SOX6: variants seen among roughly 807,000 people sequenced by gnomAD.
SOX6 encodes the protein SRY-box transcription factor 6, also known as transcription factor SOX-6.
Under a neutral mutation model 97.8 loss-of-function variants are expected in SOX6, and 11 were observed. The observed-to-expected ratio is 0.11, with a 90% CI of 0.07 to 0.19. The LOEUF is 0.19. Ranked by LOEUF, SOX6 falls within the 10% of genes least tolerant of loss-of-function variation. The probability of loss-of-function intolerance (pLI) is 1.00; values close to 1 mark genes in which losing one functional copy is unlikely to be tolerated. For missense variants in SOX6, 810 were observed against 1,039.5 expected, an observed-to-expected ratio of 0.78 and a Z score of 3.04; for synonymous variants, 360 against 371.4, an observed-to-expected ratio of 0.97 and a Z score of 0.35.
chr11:16,438,428 G>A (rs935344061), intron 1 of SOX6, among the ~76,000 whole-genome samples: 6 of 152,094 alleles, frequency 3.9e-5, no homozygotes, highest in African/African-American at 1.4e-4. Flanking sequence ...ATCCAGAGAT[G>A]GAGGCATGTA....
chr11:16,091,092 T>G (rs1183169383), intron 9 of SOX6, among the ~76,000 whole-genome samples: 1 of 152,086 alleles, frequency 6.6e-6, no homozygotes. Flanking sequence ...ATTCCATAAA[T>G]GGAGTTAATT....
chr11:16,119,300 C>T (rs1849430994), intron 6 of SOX6, among the ~76,000 whole-genome samples: 1 of 152,150 alleles, frequency 6.6e-6, no homozygotes, highest in South Asian at 2.1e-4. Flanking sequence ...AAATATCTCA[C>T]TTGACAGGAT....
intron 3 of SOX6, among the ~76,000 whole-genome samples, chr11:16,624,665 T>C (rs1489009108): frequency 6.6e-6 from 1 of 152,244 alleles, no homozygotes. Context: ...TTTCTAGATT[T>C]TAATTAGATT....
chr11:16,453,853 C>A (rs952594596), intron 1 of SOX6, among the ~76,000 whole-genome samples: 8 of 152,118 alleles, frequency 5.3e-5, no homozygotes, highest in African/African-American at 1.9e-4. Flanking sequence ...CATCTGATAA[C>A]AAGCCACACA....
intron 9 of SOX6, among the ~76,000 whole-genome samples, chr11:16,072,356 G>A (rs1029856922): frequency 6.6e-6 from 1 of 152,012 alleles, no homozygotes; most frequent in Non-Finnish European, 1.5e-5. Flanking sequence ...AGAGCTTCAG[G>A]ACTGCTTCTC....
At chr11:16,572,951 C>T (rs1847951985) in intron 4 of SOX6, among the ~76,000 whole-genome samples, 1 of 152,160 alleles carries the variant, frequency 6.6e-6, no homozygotes, top group Non-Finnish European at 1.5e-5. Context: ...TTAAACCACT[C>T]TTATTCTGTC....
At chr11:16,046,041 G>T (rs968955705) in intron 12 of SOX6, among the ~76,000 whole-genome samples, 7 of 152,118 alleles carry the variant, frequency 4.6e-5, no homozygotes, top group African/African-American at 1.7e-4. Context: ...TAATTTGCTG[G>T]ATCAAAAACC....
intron 6 of SOX6, among the ~76,000 whole-genome samples, chr11:16,128,803 T>C (rs1019920177): frequency 3.3e-4 from 50 of 152,300 alleles, no homozygotes; most frequent in African/African-American, 1.2e-3. Context: ...TGACTAGATA[T>C]GCGAATTCCA....
At position 16,082,840 on chromosome 11, in the gene SOX6, C is replaced by T. The variant is rs959387080; in HGVS notation, c.1101+13156G>A. On this transcript the variant is annotated intron_variant, in intron 9 of 15. Transcript: ENST00000683767. ...CACATGCATTCCAAATTCCCTTGTG[C>T]AGTGTAAAAGGCACTCTGTGATCTG... Among the ~76,000 whole-genome samples, 5 of 152,246 alleles carry T rather than the reference C, an allele frequency of 3.3e-5. No individual in the cohort carries two copies. In the South Asian group the frequency reaches 1.0e-3, roughly 32 times the overall value.
intron 6 of SOX6, among the ~76,000 whole-genome samples, chr11:16,179,877 T>C (rs1851302866): frequency 6.6e-6 from 1 of 151,754 alleles, no homozygotes; most frequent in African/African-American, 2.4e-5. Context: ...AAAATTGGAG[T>C]CTGAAGAGAC....
intron 1 of SOX6, among the ~76,000 whole-genome samples, chr11:16,448,762 TG>T (rs1859660240): frequency 6.6e-6 from 1 of 152,206 alleles, no homozygotes; most frequent in Non-Finnish European, 1.5e-5. Context: ...GCAAGTACAG[TG>T]GCTTATGCCT....
At chr11:16,290,205 T>G (rs984972882) in intron 3 of SOX6, among the ~76,000 whole-genome samples, 1 of 151,800 alleles carries the variant, frequency 6.6e-6, no homozygotes, top group Non-Finnish European at 1.5e-5. Context: ...CAAAGCACAA[T>G]AAGAGCACTA....
chr11:16,005,399 A>G (rs1854519011), intron 13 of SOX6, among the ~76,000 whole-genome samples: 1 of 151,968 alleles, frequency 6.6e-6, no homozygotes, highest in Non-Finnish European at 1.5e-5. Context: ...CAGAGCCAGA[A>G]GAAAAGAAGA....
intron 4 of SOX6, among the ~76,000 whole-genome samples, chr11:16,511,035 A>G (rs1860872975): frequency 6.6e-6 from 1 of 152,154 alleles, no homozygotes; most frequent in African/African-American, 2.4e-5. Flanking sequence ...GAAGGATACT[A>G]AGACGAAAAA....
intron 1 of SOX6, among the ~76,000 whole-genome samples, chr11:16,412,912 A>G (rs1392348979): frequency 6.6e-6 from 1 of 152,016 alleles, no homozygotes; most frequent in Non-Finnish European, 1.5e-5. Flanking sequence ...TGAACCAATC[A>G]CTGTTGCCAG....
intron 4 of SOX6, among the ~76,000 whole-genome samples, chr11:16,501,886 T>C (rs936795778): frequency 4.6e-5 from 7 of 152,182 alleles, no homozygotes; most frequent in South Asian, 2.1e-4. Context: ...AGTTCAACCA[T>C]TGTGGAAGTC....
intron 1 of SOX6, among the ~76,000 whole-genome samples, chr11:16,463,831 T>A (rs892846524): frequency 6.6e-6 from 1 of 152,218 alleles, no homozygotes; most frequent in Non-Finnish European, 1.5e-5. Context: ...TCAGGCATAT[T>A]TGAGTTTTAT....
At chr11:16,251,816 C>T (rs1299565578) in intron 3 of SOX6, among the ~76,000 whole-genome samples, 1 of 151,952 alleles carries the variant, frequency 6.6e-6, no homozygotes, top group Non-Finnish European at 1.5e-5. Context: ...AAAAAATTAG[C>T]AAATATAATC....
chr11:16,150,931 T>C (rs994060062), intron 6 of SOX6, among the ~76,000 whole-genome samples: 1 of 152,170 alleles, frequency 6.6e-6, no homozygotes, highest in Non-Finnish European at 1.5e-5. Context: ...ATATATTAAA[T>C]CAAAGGGCTA....
Sources: gnomAD v4.1 joint callset for allele counts (sites outside exome capture counted in the v4.1 genomes callset) on GRCh38, gnomAD v4.1.1 for gene constraint, MANE v1.5 for transcripts, NCBI Gene and HGNC (gene_info 2026-07-23, HGNC 2026-07-21) for gene names.